GLP2R: variants seen among roughly 807,000 people sequenced by gnomAD.
GLP2R encodes the protein glucagon-like peptide 2 receptor.
GLP2R carries 59 observed loss-of-function variants against 68.2 expected under a neutral mutation model. That is an observed-to-expected ratio of 0.87 (90% CI 0.70 to 1.07). The LOEUF (loss-of-function observed/expected upper bound fraction) is 1.07. Among genes scored for constraint, GLP2R ranks in the 50% least tolerant of loss-of-function variants. GLP2R has a pLI of 0.00. For synonymous variants in GLP2R, 270 were observed against 265.4 expected, an observed-to-expected ratio of 1.02 and a Z score of -0.17; for missense variants, 548 against 677.4, an observed-to-expected ratio of 0.81 and a Z score of 2.12.
intron 9 of GLP2R, among the ~76,000 whole-genome samples, chr17:9,864,973 C>G (rs2067021654): frequency 6.6e-6 from 1 of 152,224 alleles, no homozygotes; most frequent in South Asian, 2.1e-4. Context: ...TCTATCTTCT[C>G]ACTTTGGATA....
Position 9,859,192 on chromosome 17 carries a change from A to T in GLP2R, c.766-750A>T, listed in dbSNP as rs78889792. Among the ~76,000 whole-genome samples, 669 of 152,234 alleles carry T rather than the reference A, an allele frequency of 4.4e-3. 7 individuals carry two copies. The highest frequency in any genetic ancestry group is 0.015 in the African/African-American group (632 of 41,548). On this transcript the variant is annotated intron_variant, in intron 6 of 12. Transcript: ENST00000262441. ...TACATTCAGTTAAGAAATAATTTCT[A>T]ATTTGTTTCAATTTTTTCTTTGATC...
At chr17:9,878,460 G>A (rs531335391) in intron 10 of GLP2R, among the ~76,000 whole-genome samples, 69 of 152,312 alleles carry the variant, frequency 4.5e-4, no homozygotes, top group Non-Finnish European at 7.8e-4. Context: ...CAAAACCCTT[G>A]AAATGTTCTC....
intron 1 of GLP2R, among the ~76,000 whole-genome samples, chr17:9,832,744 A>G (rs1026711378): frequency 6.6e-6 from 1 of 152,152 alleles, no homozygotes; most frequent in African/African-American, 2.4e-5. Flanking sequence ...AAAAAAGTAA[A>G]TAAATAAAAT....
At position 9,850,348 on chromosome 17, in the gene GLP2R, G is replaced by A. The variant is rs546593450; in HGVS notation, c.505-4147G>A. On this transcript the variant is annotated intron_variant, in intron 4 of 12. Transcript: ENST00000262441. ...AGCAGGTGCTCTTGGCGCCCTGCCCGTATCCCTTTGCCCTAATCAATTCAG... is the reference window on the plus strand; with the variant it reads ...AGCAGGTGCTCTTGGCGCCCTGCCCATATCCCTTTGCCCTAATCAATTCAG... 2.6e-4 allele frequency among the ~76,000 whole-genome samples: 39 copies of A among 152,196 alleles called. 1 individual carries two copies. The highest frequency in any genetic ancestry group is 4.3e-4 in the Non-Finnish European group (29 of 68,036).
At chr17:9,861,236 G>A (rs554863538) in intron 8 of GLP2R, 37 bp downstream of exon 8, 48 of 1,360,426 alleles carry the variant, frequency 3.5e-5, no homozygotes, top group East Asian at 9.2e-5. Flanking sequence ...TTCACGAGCC[G>A]GTAATTCCCA....
rs751240825 is a variant in GLP2R at position 9,889,382 on chromosome 17, C to T, written c.1339C>T (p.Leu447=). The part of the protein sequence containing the change: ...GFANGEVKAE[L]RKYWVRFLLA... Reference sequence around the variant, plus strand: ...TCTCACCCGGCAGGTGAAGGCTGAGCTGCGGAAATACTGGGTCCGCTTCTT... The same window carrying T: ...TCTCACCCGGCAGGTGAAGGCTGAGTTGCGGAAATACTGGGTCCGCTTCTT... The change falls in exon 13 of 13, where the codon CTG becomes TTG. Residue 447 remains leucine, a synonymous_variant. Transcript: ENST00000262441. 12 of 1,611,900 alleles carry T rather than the reference C, an allele frequency of 7.4e-6. No individual in the cohort carries two copies. Among genetic ancestry groups the T allele is most frequent in the Middle Eastern group, 3.3e-4 (2 of 6,078 alleles).
At chr17:9,880,683 T>C (rs1226329042) in intron 11 of GLP2R, among the ~76,000 whole-genome samples, 167 bp downstream of exon 11, 1 of 152,140 alleles carries the variant, frequency 6.6e-6, no homozygotes, top group Non-Finnish European at 1.5e-5. Flanking sequence ...GACGGGGAAG[T>C]ATTGCGTTGA....
At chr17:9,856,859 T>C (rs2066937878) in intron 5 of GLP2R, among the ~76,000 whole-genome samples, 2 of 152,220 alleles carry the variant, frequency 1.3e-5, no homozygotes, top group Admixed American at 6.5e-5. Context: ...AATACTCAAA[T>C]GTAGCTGCAT....
At position 9,888,093 on chromosome 17, in the gene GLP2R, G is replaced by A. The variant is rs2067259240; in HGVS notation, c.1326+120G>A. ...GGAGAATGTGCAGTGACCAGCATGT[G>A]TGGGGACAAATTTGTATTGTGAGCT... On this transcript the variant is annotated intron_variant, in intron 12 of 12. Coordinates refer to ENST00000262441, the MANE Select transcript of GLP2R (RefSeq NM_004246.3). 2.5e-5 allele frequency: 20 copies of A among 802,004 alleles called. No individual in the cohort carries two copies. In the South Asian group the frequency reaches 2.7e-4, roughly 11 times the overall value. 49.7% of individuals were successfully genotyped at this position (802,004 alleles called of 1,614,324 possible).
intron 10 of GLP2R, 103 bp downstream of exon 10, chr17:9,870,938 G>A (rs2067087190): frequency 1.0e-5 from 7 of 699,120 alleles, no homozygotes; most frequent in South Asian, 6.6e-5. Flanking sequence ...TAAGGCCAGG[G>A]TATCAGAAAG....
intron 7 of GLP2R, 139 bp downstream of exon 7, chr17:9,860,240 A>G (rs2066975836): frequency 1.3e-6 from 1 of 768,664 alleles, no homozygotes; most frequent in Admixed American, 3.0e-5. Flanking sequence ...GGGAGCTTTG[A>G]AGAGGGGTAT....
At chr17:9,827,291 T>C (rs2152028047) in intron 1 of GLP2R, among the ~76,000 whole-genome samples, 1 of 152,342 alleles carries the variant, frequency 6.6e-6, no homozygotes, top group Non-Finnish European at 1.5e-5. Context: ...GCACTTGCTC[T>C]GCACTGGGTT....
chr17:9,836,483 G>C lies in GLP2R; in HGVS notation c.382+8G>C. On this transcript the variant is annotated splice_region_variant and intron_variant, in intron 3 of 12. Coordinates refer to ENST00000262441, the MANE Select transcript of GLP2R (RefSeq NM_004246.3). ...TACCTTGGTGGAGTGAAGGTAATAA[G>C]TCTTATTTTTACCAATTTTCCCCAA... The C allele has an allele frequency of 1.3e-6, 2 of 1,540,882 alleles. No individual in the cohort carries two copies. Among genetic ancestry groups the C allele is most frequent in the Non-Finnish European group, 1.8e-6 (2 of 1,113,330 alleles).
At chr17:9,852,443 T>G (rs1370245771) in intron 4 of GLP2R, among the ~76,000 whole-genome samples, 1 of 152,196 alleles carries the variant, frequency 6.6e-6, no homozygotes, top group Non-Finnish European at 1.5e-5. Flanking sequence ...GGTGTATATG[T>G]GCCACATTTT....
intron 4 of GLP2R, chr17:9,852,772 G>A (rs1318350425): frequency 7.9e-6 from 2 of 252,906 alleles, no homozygotes; most frequent in East Asian, 9.4e-5. Context: ...TTTTTCTTCA[G>A]TTTCCTCATC....
intron 3 of GLP2R, among the ~76,000 whole-genome samples, chr17:9,839,441 G>T (rs2066764264): frequency 6.6e-6 from 1 of 151,738 alleles, no homozygotes; most frequent in African/African-American, 2.4e-5. Flanking sequence ...CCCATCTAAG[G>T]AATGGTCTCA....
chr17:9,846,400 G>A (rs1024050981), intron 4 of GLP2R, among the ~76,000 whole-genome samples: 2 of 152,136 alleles, frequency 1.3e-5, no homozygotes, highest in African/African-American at 4.8e-5. Context: ...AGGGTTGCTG[G>A]AGCCCAGGAG....
At chr17:9,882,340 G>A (rs2067204732) in intron 11 of GLP2R, among the ~76,000 whole-genome samples, 1 of 152,184 alleles carries the variant, frequency 6.6e-6, no homozygotes, top group Non-Finnish European at 1.5e-5. Context: ...TCTATCTGGG[G>A]TGAAAAAACA....
intron 10 of GLP2R, among the ~76,000 whole-genome samples, chr17:9,873,964 T>G (rs879536530): frequency 2.0e-5 from 3 of 152,182 alleles, no homozygotes; most frequent in South Asian, 2.1e-4. Context: ...CAGACTTTTC[T>G]GATCACACAT....
Sources: allele counts gnomAD v4.1 joint callset (sites outside exome capture counted in the v4.1 genomes callset), GRCh38; gene constraint gnomAD v4.1.1; transcripts MANE v1.5; gene names NCBI Gene and HGNC (gene_info 2026-07-23, HGNC 2026-07-21).